ALDH3B2: variants seen among roughly 807,000 people sequenced by gnomAD.
The protein encoded by ALDH3B2 is aldehyde dehydrogenase family 3 member B2.
A neutral mutation model predicts 36.7 loss-of-function variants in ALDH3B2; 45 were observed. That is an observed-to-expected ratio of 1.23 (90% CI 0.97 to 1.57). ALDH3B2 has a LOEUF of 1.57. ALDH3B2 is among the 40% of genes most tolerant of loss of function. The probability of loss-of-function intolerance (pLI) is 0.00; values close to 1 mark genes in which losing one functional copy is unlikely to be tolerated. For synonymous variants in ALDH3B2, 217 were observed against 226.5 expected, an observed-to-expected ratio of 0.96 and a Z score of 0.38; for missense variants, 464 against 513.3, an observed-to-expected ratio of 0.90 and a Z score of 0.93.
intron 9 of ALDH3B2, 109 bp from the exon 10 acceptor site, chr11:67,663,508 C>G: frequency 7.0e-7 from 1 of 1,420,632 alleles, no homozygotes. Flanking sequence ...TCAGAGAGAG[C>G]CAGGCCACTC....
intron 7 of ALDH3B2, 42 bp from the exon 8 acceptor site, chr11:67,664,604 G>A (rs771900571): frequency 6.2e-7 from 1 of 1,606,642 alleles, no homozygotes. Context: ...GCCACAGTCA[G>A]GACTGCCCCC....
rs139967003 is a variant in ALDH3B2 at position 67,666,179 on chromosome 11, C to T, written c.262G>A (p.Gly88Arg). 2.7e-5 allele frequency: 43 copies of T among 1,614,212 alleles called. No homozygotes were observed. Among genetic ancestry groups the T allele is most frequent in the Admixed American group, 2.0e-4 (12 of 60,032 alleles). The change falls in exon 6 of 10, where the codon GGA (glycine) becomes AGA (arginine). Residue 88 changes from glycine to arginine, a missense_variant. Coordinates refer to ENST00000349015, the Ensembl canonical transcript of ALDH3B2. ...AGCAGCTGCCCTGTCTCCTGGGGTC[C>T]GCCCAGCACCACGGCAAAGCAGCTC...
At chr11:67,667,610 G>A (rs1025419362) in exon 2 of ALDH3B2, 8 of 356,742 alleles carry the variant, frequency 2.2e-5, no homozygotes, top group Admixed American at 2.0e-4. Context: ...CGCAGCCGCC[G>A]CAGCGTGTCC....
chr11:67,664,323 G>T (rs1363400119), intron 8 of ALDH3B2, 73 bp downstream of exon 8: 1 of 1,601,084 alleles, frequency 6.2e-7, no homozygotes, highest in Non-Finnish European at 8.5e-7. Flanking sequence ...GCTGGGAAGG[G>T]CTGTGAAAGG....
upstream of ALDH3B2, among the ~76,000 whole-genome samples, chr11:67,679,680 G>A (rs1856335006): frequency 6.6e-6 from 1 of 151,194 alleles, no homozygotes; most frequent in Non-Finnish European, 1.5e-5. Flanking sequence ...TTGGGAAGCT[G>A]AGGCAGGAGA....
rs921173096 is a variant in ALDH3B2 at position 67,669,056 on chromosome 11, C to T, written c.-244-1421G>A. ...GTGTGTATGGATGTCTGTGTCTCTG[C>T]GTGTATGGGTGTCTGTGTGTCTTCG... On this transcript the variant is annotated intron_variant, in intron 1 of 9. Coordinates refer to ENST00000349015, the Ensembl canonical transcript of ALDH3B2. Among the ~76,000 whole-genome samples the T allele has an allele frequency of 2.4e-5, 3 of 124,494 alleles. No homozygotes were observed. In the East Asian group the frequency reaches 8.1e-4, roughly 34 times the overall value. 81.7% of individuals were successfully genotyped at this position (124,494 alleles called of 152,430 possible). A position where few individuals can be genotyped will look rare whatever the true frequency, so the allele number is the denominator to read the frequency against.
intron 8 of ALDH3B2, chr11:67,664,142 C>A (rs955552335): frequency 1.8e-5 from 11 of 610,994 alleles, no homozygotes; most frequent in East Asian, 5.7e-5. Context: ...CTGTGCAGAA[C>A]CTTTGCACAG....
intron 1 of ALDH3B2, chr11:67,667,880 T>C (rs3928535): frequency 0.94 from 148,005 of 156,886 alleles, 70,443 homozygotes; most frequent in Middle Eastern, 1. Context: ...TGACCTCCCC[T>C]ACTCCAGGGA....
intron 1 of ALDH3B2, among the ~76,000 whole-genome samples, chr11:67,673,176 C>T (rs916142526): frequency 6.6e-6 from 1 of 150,834 alleles, no homozygotes; most frequent in Non-Finnish European, 1.5e-5. Context: ...GTGATCCGCC[C>T]GCCTCGGCCT....
chr11:67,675,778 G>C (rs1366928655), upstream of ALDH3B2, among the ~76,000 whole-genome samples: 2 of 152,244 alleles, frequency 1.3e-5, no homozygotes, highest in Non-Finnish European at 2.9e-5. Flanking sequence ...ATGGCCACTG[G>C]GGAGGCCCAC....
At chr11:67,669,790 A>G (rs1177975467) in intron 1 of ALDH3B2, among the ~76,000 whole-genome samples, 97 of 20,086 alleles carry the variant, frequency 4.8e-3, no homozygotes, top group Non-Finnish European at 6.3e-3. Flanking sequence ...CTGTGTGTGT[A>G]TGGGTGTGTG....
At chr11:67,663,549 G>A (rs1336393114) in intron 9 of ALDH3B2, 113 bp downstream of exon 9, 8 of 1,333,114 alleles carry the variant, frequency 6.0e-6, no homozygotes, top group Non-Finnish European at 8.3e-6. Flanking sequence ...GGGAAACTGA[G>A]GCCTTGAGAG....
rs1481773046 is a variant in ALDH3B2, at chr11:67,665,277, G to A, written c.706+8C>T. On this transcript the variant is annotated splice_region_variant and intron_variant, in intron 7 of 9. Coordinates refer to ENST00000349015, the Ensembl canonical transcript of ALDH3B2. ...CCAGGTGGGCTGCGGTAGGGCAGCA[G>A]GACTCACCGATGTAGCGATCGCTCT... The A allele has an allele frequency of 1.3e-6, 2 of 1,596,518 alleles. No homozygotes were observed. Among genetic ancestry groups the A allele is most frequent in the African/African-American group, 2.7e-5 (2 of 74,694 alleles).
At position 67,667,570 on chromosome 11, in the gene ALDH3B2, G is replaced by A. The variant is rs1855956377; in HGVS notation, c.-179C>T. 12 of 382,268 alleles carry A rather than the reference G, an allele frequency of 3.1e-5. No homozygotes were observed. The Admixed American group carries it at 3.8e-4, about 12-fold the overall frequency. 23.7% of individuals were successfully genotyped at this position (382,268 alleles called of 1,614,324 possible). A position where few individuals can be genotyped will look rare whatever the true frequency, so the allele number is the denominator to read the frequency against. ...GAGCTGCGCAGCCCGGAACTCGGCC[G>A]GCCGCGTGCGCCCTCAGTTGAAGGC... is the stretch of plus-strand genomic sequence containing the variant. On this transcript the variant is annotated 5_prime_UTR_variant, in exon 2 of 10. Transcript: ENST00000349015.
chr11:67,666,374 T>C (rs1855911722), exon 5 of ALDH3B2: 1 of 1,605,792 alleles, frequency 6.2e-7, no homozygotes, highest in Non-Finnish European at 8.5e-7. Flanking sequence ...CTGGCTGATT[T>C]CTGACGGCTT....
chr11:67,678,284 T>C (rs1856306229), upstream of ALDH3B2, among the ~76,000 whole-genome samples: 1 of 152,050 alleles, frequency 6.6e-6, no homozygotes, highest in Non-Finnish European at 1.5e-5. Flanking sequence ...CACAGACCAA[T>C]GGAACAGAAT....
intron 1 of ALDH3B2, among the ~76,000 whole-genome samples, chr11:67,672,834 AC>A (rs1408562308): frequency 2.0e-5 from 3 of 150,522 alleles, no homozygotes; most frequent in African/African-American, 7.4e-5. Flanking sequence ...CAAGTGATGC[AC>A]CTGCCTCAGC....
chr11:67,668,739 CTGTG>C (rs1346035258), intron 1 of ALDH3B2, among the ~76,000 whole-genome samples: 8 of 119,348 alleles, frequency 6.7e-5, no homozygotes, highest in Admixed American at 5.1e-4. Flanking sequence ...CTGTGTGTGT[CTGTG>C]TATGTATGGG....
rs115556950 is a variant in ALDH3B2 at position 67,667,451 on chromosome 11, G to T, written c.-82+22C>A. 755 of 363,830 alleles carry T rather than the reference G, an allele frequency of 2.1e-3. 7 individuals are homozygous for T. The highest frequency in any genetic ancestry group is 0.015 in the African/African-American group (720 of 47,186). The allele number at this position is 363,830 out of a possible 1,614,324, so 22.5% of individuals were successfully genotyped here. A position where few individuals can be genotyped will look rare whatever the true frequency, so the allele number is the denominator to read the frequency against. On this transcript the variant is annotated intron_variant, in intron 2 of 9. Transcript: ENST00000349015. The stretch of plus-strand genomic sequence containing the variant: ...AGGGACGCTGCTCCAGCCCCTGCCG[G>T]GGCCCACTCTCCACGGCCCACCTTA...
Sources: gnomAD v4.1 joint callset for allele counts (sites outside exome capture counted in the v4.1 genomes callset) on GRCh38, gnomAD v4.1.1 for gene constraint, MANE v1.5 for transcripts, NCBI Gene and HGNC (gene_info 2026-07-23, HGNC 2026-07-21) for gene names.